CEP85L: variants seen among roughly 807,000 people sequenced by gnomAD.
CEP85L encodes the protein centrosomal protein 85L.
In CEP85L, 60 loss-of-function variants were observed where a neutral mutation model predicts 100.3. That is an observed-to-expected ratio of 0.60 (90% CI 0.49 to 0.74). The LOEUF (loss-of-function observed/expected upper bound fraction) is 0.74, where lower values mean the gene tolerates loss of function less well. Among genes scored for constraint, CEP85L ranks in the 30% least tolerant of loss-of-function variants. CEP85L has a pLI of 0.00. For synonymous variants in CEP85L, 319 were observed against 322.7 expected (o/e 0.99, Z 0.12); for missense variants, 973 against 936.2 (o/e 1.04, Z -0.51).
At chr6:118,597,106 G>A (rs7766375) in intron 2 of CEP85L, among the ~76,000 whole-genome samples, 72,636 of 151,854 alleles carry the variant, frequency 0.48, 17,770 homozygotes, top group Middle Eastern at 0.58. Flanking sequence ...GTTAAGAGGT[G>A]CTTTCCCCCA....
At chr6:118,692,216 C>T (rs1417212266) in intron 1 of CEP85L, among the ~76,000 whole-genome samples, 1 of 152,106 alleles carries the variant, frequency 6.6e-6, no homozygotes, top group Admixed American at 6.5e-5. Context: ...AAACTGAAGA[C>T]GAATAAGCTA....
intron 2 of CEP85L, among the ~76,000 whole-genome samples, chr6:118,600,370 T>TGTGTGTGTGTGTGTGTGTGTGTGGGG (rs58066356): frequency 1.2e-5 from 1 of 86,368 alleles, no homozygotes; most frequent in African/African-American, 4.2e-5. Context: ...TGTGTGTGTG[T>TGTGTGTGTGTGTGTGTGTGTGTGGGG]AACGCCATGG....
chr6:118,652,278 C>T (rs1775613064), upstream of CEP85L: 4 of 459,806 alleles, frequency 8.7e-6, no homozygotes, highest in South Asian at 2.6e-4. Flanking sequence ...TCCTCCTTGC[C>T]CCCTACTCCT....
intron 5 of CEP85L, among the ~76,000 whole-genome samples, chr6:118,508,802 T>C (rs1775804790): frequency 6.6e-6 from 1 of 152,100 alleles, no homozygotes; most frequent in Non-Finnish European, 1.5e-5. Context: ...TTAGGATGAA[T>C]ATGTTATGGA....
At chr6:118,475,350 T>TAA in intron 10 of CEP85L, among the ~76,000 whole-genome samples, 1 of 111,830 alleles carries the variant, frequency 8.9e-6, no homozygotes, top group South Asian at 2.7e-4. Context: ...AGGTGACATT[T>TAA]TTTTTTTTTT....
intron 3 of CEP85L, among the ~76,000 whole-genome samples, chr6:118,535,330 G>A (rs1777527789): frequency 6.6e-6 from 1 of 152,128 alleles, no homozygotes; most frequent in South Asian, 2.1e-4. Flanking sequence ...TTCTGCAAAA[G>A]GCAAAACAAT....
intron 2 of CEP85L, among the ~76,000 whole-genome samples, chr6:118,580,663 T>C (rs543005837): frequency 6.6e-6 from 1 of 152,232 alleles, no homozygotes; most frequent in Non-Finnish European, 1.5e-5. Context: ...CTGAGGCAAC[T>C]GAGCATCTCT....
chr6:118,599,893 T>C (rs1314734201), intron 2 of CEP85L, among the ~76,000 whole-genome samples: 4 of 151,816 alleles, frequency 2.6e-5, no homozygotes, highest in Admixed American at 1.3e-4. Context: ...TTATGAAAAA[T>C]AGGAAGAGAA....
chr6:118,587,317 T>C (rs1780920767), intron 2 of CEP85L, among the ~76,000 whole-genome samples: 1 of 152,160 alleles, frequency 6.6e-6, no homozygotes, highest in East Asian at 1.9e-4. Context: ...CTCCCAAAGA[T>C]AAGCTTCACA....
intron 1 of CEP85L, among the ~76,000 whole-genome samples, chr6:118,633,708 G>A (rs1298001882): frequency 6.6e-6 from 1 of 152,152 alleles, no homozygotes; most frequent in East Asian, 1.9e-4. Flanking sequence ...TTACAAGTTA[G>A]ATGCAGAAAT....
At chr6:118,592,249 C>T (rs1781229488) in intron 2 of CEP85L, among the ~76,000 whole-genome samples, 2 of 151,392 alleles carry the variant, frequency 1.3e-5, no homozygotes, top group South Asian at 4.2e-4. Flanking sequence ...GGGCTTGGGG[C>T]TAAACAAACA....
chr6:118,580,980 G>C (rs1381608200), intron 2 of CEP85L, among the ~76,000 whole-genome samples: 1 of 152,184 alleles, frequency 6.6e-6, no homozygotes, highest in African/African-American at 2.4e-5. Context: ...CCGCTTGTCT[G>C]AGGAGCACAC....
At chr6:118,633,305 C>T (rs1197170744) in intron 1 of CEP85L, among the ~76,000 whole-genome samples, 2 of 151,406 alleles carry the variant, frequency 1.3e-5, no homozygotes, top group East Asian at 2.0e-4. Context: ...CCCGGGTTCA[C>T]GCCATTCTCC....
chr6:118,662,035 C>T (rs1043803690), intron 1 of CEP85L, among the ~76,000 whole-genome samples: 3 of 152,132 alleles, frequency 2.0e-5, no homozygotes, highest in African/African-American at 7.2e-5. Context: ...TCTCATAAAG[C>T]CATTGTGAGG....
intron 3 of CEP85L, chr6:118,548,492 T>C (rs1379956188): frequency 6.6e-6 from 1 of 152,130 alleles, no homozygotes; most frequent in Non-Finnish European, 1.5e-5. Flanking sequence ...GTTAATTTTA[T>C]GAATATCAGT....
chr6:118,681,701 A>G lies in CEP85L; in HGVS notation c.-28+28335T>C, dbSNP rs1444793354. 2.0e-5 allele frequency among the ~76,000 whole-genome samples: 3 copies of G among 151,458 alleles called. No homozygotes were observed. The East Asian group carries it at 5.8e-4, about 29-fold the overall frequency. On this transcript the variant is annotated intron_variant, in intron 1 of 13. Transcript: ENST00000368488. ...AGGGTTTAGAAAAATTTAATTCATT[A>G]TAAATAGATCTATTTTACCTTAATT...
rs772654716 is a variant in CEP85L, at chr6:118,480,474, G to A, written c.1785C>T (p.Ile595=). 8.1e-6 allele frequency: 13 copies of A among 1,611,212 alleles called. No individual in the cohort carries two copies. Among genetic ancestry groups the A allele is most frequent in the Non-Finnish European group, 1.1e-5 (13 of 1,178,322 alleles). Reference sequence around the variant, plus strand: ...GTTTTGCATCTAACATGGGAAGGCGGATTCCATCTTCAAGGCATCTTTCTA... The same window carrying A: ...GTTTTGCATCTAACATGGGAAGGCGAATTCCATCTTCAAGGCATCTTTCTA... The part of the protein sequence containing the change: ...QKVERCLEDG[I]RLPMLDAKQL... Residue 595 remains isoleucine, a synonymous_variant, in exon 9 of 13, where the codon ATC becomes ATT. Coordinates refer to ENST00000368491, the MANE Select transcript of CEP85L (RefSeq NM_001042475.3).
chr6:118,687,422 C>A (rs1004349373), intron 1 of CEP85L, among the ~76,000 whole-genome samples: 4 of 152,170 alleles, frequency 2.6e-5, no homozygotes, highest in Non-Finnish European at 5.9e-5. Flanking sequence ...GACTAAGAAT[C>A]CCTAAGCCTA....
At chr6:118,540,131 G>A (rs1490084446) in intron 3 of CEP85L, among the ~76,000 whole-genome samples, 2 of 150,904 alleles carry the variant, frequency 1.3e-5, no homozygotes, top group African/African-American at 4.9e-5. Flanking sequence ...AGGATGAGTA[G>A]CTAGAACACC....
Sources: gnomAD v4.1 joint callset for allele counts (sites outside exome capture counted in the v4.1 genomes callset) on GRCh38, gnomAD v4.1.1 for gene constraint, MANE v1.5 for transcripts, NCBI Gene and HGNC (gene_info 2026-07-23, HGNC 2026-07-21) for gene names.